Variants in KIFAP3 observed in about 807,000 individuals in gnomAD.
KIFAP3 encodes kinesin associated protein 3, also known as kinesin-associated protein 3.
KIFAP3 carries 68 observed loss-of-function variants against 106.5 expected under a neutral mutation model. That is an observed-to-expected ratio of 0.64 (90% CI 0.53 to 0.78). The LOEUF is 0.78. KIFAP3 is among the 30% of genes least tolerant of loss of function. The probability of loss-of-function intolerance (pLI) is 0.00; values close to 1 mark genes in which losing one functional copy is unlikely to be tolerated. For missense variants in KIFAP3, 780 were observed against 941.8 expected (o/e 0.83, Z 2.25); for synonymous variants, 320 against 311.5 (o/e 1.03, Z -0.29).
At chr1:169,939,313 G>A (rs1663978307) in intron 19 of KIFAP3, among the ~76,000 whole-genome samples, 1 of 152,118 alleles carries the variant, frequency 6.6e-6, no homozygotes. Flanking sequence ...GGAGAGAGAG[G>A]GTAATGGTGA....
chr1:170,038,463 C>T, intron 4 of KIFAP3, 32 bp from the exon 5 acceptor site: 1 of 1,591,342 alleles, frequency 6.3e-7, no homozygotes, highest in African/African-American at 1.4e-5. Context: ...TACTCATCAA[C>T]AATGCTCAAC....
chr1:170,015,015 AAC>A, intron 10 of KIFAP3, among the ~76,000 whole-genome samples: 1 of 152,278 alleles, frequency 6.6e-6, no homozygotes, highest in East Asian at 1.9e-4. Context: ...GTTCTAATAA[AAC>A]AGTCTCGCTC....
chr1:169,957,951 G>T (rs528613485), intron 18 of KIFAP3: 3 of 152,336 alleles, frequency 2.0e-5, no homozygotes, highest in Admixed American at 1.3e-4. Context: ...AAGAGACAGG[G>T]TCTTGCTATT....
intron 19 of KIFAP3, among the ~76,000 whole-genome samples, chr1:169,944,970 A>C (rs1396541663): frequency 1.3e-5 from 2 of 152,086 alleles, no homozygotes; most frequent in Non-Finnish European, 2.9e-5. Flanking sequence ...CCCTGGTTAG[A>C]AGGTGGGGTT....
chr1:169,977,928 A>G (rs1280962766), intron 16 of KIFAP3, among the ~76,000 whole-genome samples, 157 bp downstream of exon 16: 1 of 152,042 alleles, frequency 6.6e-6, no homozygotes, highest in Non-Finnish European at 1.5e-5. Context: ...ATTTGGGGTC[A>G]ACAGCTTCCA....
At chr1:170,027,520 T>C (rs147958757) in intron 8 of KIFAP3, among the ~76,000 whole-genome samples, 11 of 152,230 alleles carry the variant, frequency 7.2e-5, no homozygotes, top group African/African-American at 2.2e-4. Context: ...TAAAAAATAT[T>C]CAAACTTCTA....
intron 2 of KIFAP3, among the ~76,000 whole-genome samples, chr1:170,054,574 G>A (rs771147639): frequency 2.0e-5 from 3 of 152,170 alleles, no homozygotes; most frequent in Non-Finnish European, 4.4e-5. Context: ...GCCCATCAGT[G>A]ATAGATTGGA....
At chr1:169,927,048 G>A (rs1374441554) in intron 19 of KIFAP3, among the ~76,000 whole-genome samples, 1 of 152,038 alleles carries the variant, frequency 6.6e-6, no homozygotes, top group East Asian at 1.9e-4. Context: ...ATCAAAATCA[G>A]TATGTTTATC....
At chr1:170,058,307 T>C (rs1670954850) in intron 1 of KIFAP3, among the ~76,000 whole-genome samples, 1 of 152,146 alleles carries the variant, frequency 6.6e-6, no homozygotes, top group Non-Finnish European at 1.5e-5. Context: ...TATCAAATAA[T>C]AAAATAAAAA....
intron 12 of KIFAP3, among the ~76,000 whole-genome samples, chr1:169,984,113 A>G (rs557406320): frequency 6.6e-6 from 1 of 151,918 alleles, no homozygotes; most frequent in South Asian, 2.1e-4. Context: ...TAGGAAATAA[A>G]GATTTAAATC....
intron 11 of KIFAP3, among the ~76,000 whole-genome samples, chr1:169,985,279 T>C (rs1359338232): frequency 6.6e-6 from 1 of 151,700 alleles, no homozygotes; most frequent in Non-Finnish European, 1.5e-5. Context: ...TAGAATAAAA[T>C]TGCAAGAAAA....
rs189756948 is a variant in KIFAP3, at chr1:170,069,106, T to C, written c.32+5330A>G. Among the ~76,000 whole-genome samples the C allele has an allele frequency of 7.5e-3, 1,146 of 152,150 alleles. 19 individuals are homozygous for C. The highest frequency in any genetic ancestry group is 0.026 in the African/African-American group (1,077 of 41,510). ...AGAGAATAATATGAACACCAACAAA[T>C]TGGATAACCTACATGAAAAAGAATA... On this transcript the variant is annotated intron_variant, in intron 1 of 19. Transcript: ENST00000361580.
intron 10 of KIFAP3, among the ~76,000 whole-genome samples, chr1:170,006,569 A>G (rs1667974816): frequency 6.6e-6 from 1 of 152,150 alleles, no homozygotes. Flanking sequence ...TATTTTGAAG[A>G]TAGAGCTGAC....
intron 15 of KIFAP3, among the ~76,000 whole-genome samples, chr1:169,979,238 C>T (rs1453961012): frequency 6.6e-6 from 1 of 152,082 alleles, no homozygotes; most frequent in Non-Finnish European, 1.5e-5. Context: ...AATCTTCATT[C>T]TCACTCTATC....
rs1421552282 is a variant in KIFAP3 at position 169,993,618 on chromosome 1, G to GCA, written c.1184-1364_1184-1363insTG. 8.5e-3 allele frequency among the ~76,000 whole-genome samples: 740 copies of GCA among 87,400 alleles called. 370 individuals carry two copies. Among genetic ancestry groups the GCA allele is most frequent in the Middle Eastern group, 0.028 (6 of 216 alleles). The allele number at this position is 87,400 out of a possible 152,430, so 57.3% of individuals were successfully genotyped here. ...TATTCAGTTTCCCAGGGTCTAGCAAGCTTCAGGCAGGTGATTTGCTTGTAC... is the reference window on the plus strand; with the variant it reads ...TATTCAGTTTCCCAGGGTCTAGCAAGCACTTCAGGCAGGTGATTTGCTTGTAC... On this transcript the variant is annotated intron_variant, in intron 10 of 19. Coordinates refer to ENST00000361580, the MANE Select transcript of KIFAP3 (RefSeq NM_014970.4).
At position 170,048,797 on chromosome 1, in the gene KIFAP3, C is replaced by T. The variant is rs539044437; in HGVS notation, c.165-1931G>A. ...CTGTGAGGGACTGTGCTACCTGGCC[C>T]GGGTACTATGCTTTTCCCACAGTTT... On this transcript the variant is annotated intron_variant, in intron 2 of 19. Coordinates refer to ENST00000361580, the MANE Select transcript of KIFAP3 (RefSeq NM_014970.4). Among the ~76,000 whole-genome samples, 27 of 152,096 alleles carry T rather than the reference C, an allele frequency of 1.8e-4. No individual in the cohort carries two copies. In the East Asian group the frequency reaches 3.9e-3, roughly 22 times the overall value.
chr1:169,946,252 A>T (rs1359145120), intron 19 of KIFAP3, among the ~76,000 whole-genome samples: 1 of 18,734 alleles, frequency 5.3e-5, no homozygotes, highest in Admixed American at 6.1e-4. Flanking sequence ...AATTTAGTGA[A>T]CTAACTAAAG....
At chr1:169,982,583 T>G in intron 14 of KIFAP3, 119 bp downstream of exon 14, 1 of 579,190 alleles carries the variant, frequency 1.7e-6, no homozygotes, top group Non-Finnish European at 2.9e-6. Flanking sequence ...AAGAGAGCTG[T>G]GAGAAGAAAT....
At chr1:169,998,055 A>AC (rs1383513894) in intron 10 of KIFAP3, among the ~76,000 whole-genome samples, 4 of 151,232 alleles carry the variant, frequency 2.6e-5, no homozygotes, top group Non-Finnish European at 5.9e-5. Context: ...AAAAAACTTT[A>AC]GTAAAGAAAA....
Sources: gnomAD v4.1 joint callset for allele counts (sites outside exome capture counted in the v4.1 genomes callset) on GRCh38, gnomAD v4.1.1 for gene constraint, MANE v1.5 for transcripts, NCBI Gene and HGNC (gene_info 2026-07-23, HGNC 2026-07-21) for gene names.